The following OSBPL9 variants were observed in gnomAD, a reference collection of about 807,000 sequenced individuals.
The protein encoded by OSBPL9 is oxysterol-binding protein-related protein 9.
OSBPL9 carries 40 observed loss-of-function variants against 106.6 expected under a neutral mutation model. The ratio of observed to expected loss-of-function variants is 0.38; its 90% CI spans 0.29 to 0.49. The LOEUF (loss-of-function observed/expected upper bound fraction) is 0.49, where lower values mean the gene tolerates loss of function less well. Ranked by LOEUF, OSBPL9 falls within the 20% of genes least tolerant of loss-of-function variation. The pLI is 0.97. For synonymous variants in OSBPL9, 269 were observed against 295.4 expected (o/e 0.91, Z 0.92); for missense variants, 609 against 887.2 (o/e 0.69, Z 3.98).
At chr1:51,586,714 AGAGG>A (rs1645249834) in intron 1 of OSBPL9, among the ~76,000 whole-genome samples, 1 of 152,218 alleles carries the variant, frequency 6.6e-6, no homozygotes, top group Non-Finnish European at 1.5e-5. Context: ...TGGAAGCAGC[AGAGG>A]CTAATGTTTT....
chr1:51,589,449 A>G (rs986564587), intron 1 of OSBPL9, among the ~76,000 whole-genome samples: 2 of 152,156 alleles, frequency 1.3e-5, no homozygotes, highest in Admixed American at 6.6e-5. Flanking sequence ...TTACATGTAC[A>G]TTATATCTTA....
intron 3 of OSBPL9, among the ~76,000 whole-genome samples, chr1:51,686,324 T>C (rs1464528164): frequency 6.6e-6 from 1 of 152,234 alleles, no homozygotes. Context: ...ATGTAGGAAG[T>C]GGCAGAGCCT....
At chr1:51,570,107 T>C in the OSBPL9 span, among the ~76,000 whole-genome samples, 1 of 152,152 alleles carries the variant, frequency 6.6e-6, no homozygotes, top group Non-Finnish European at 1.5e-5. Flanking sequence ...AAAGGCCTGT[T>C]TTTCCGAGGC....
chr1:51,748,410 GT>G lies in OSBPL9; in HGVS notation c.492+15del. The G allele has an allele frequency of 6.7e-7, 1 of 1,484,410 alleles. No individual in the cohort carries two copies. The highest frequency in any genetic ancestry group is 8.9e-7 in the Non-Finnish European group (1 of 1,122,484). 92.0% of individuals were successfully genotyped at this position (1,484,410 alleles called of 1,614,324 possible). A position where few individuals can be genotyped will look rare whatever the true frequency, so the allele number is the denominator to read the frequency against. ...AAGAGACAACAAATGTAAGTTATATGTTTGATACATTCTGACTTTGCATTAG... is the reference window on the plus strand; with the variant it reads ...AAGAGACAACAAATGTAAGTTATATGTTGATACATTCTGACTTTGCATTAG... On this transcript the variant is annotated intron_variant, in intron 7 of 23. Transcript: ENST00000428468.
At chr1:51,616,946 A>G, upstream of OSBPL9, 1 of 1,361,726 alleles carries the variant, frequency 7.3e-7, no homozygotes, top group Non-Finnish European at 9.8e-7. Context: ...TACACACAAT[A>G]GGCGCCCTAA....
chr1:51,709,142 G>A (rs747947266), intron 3 of OSBPL9: 4 of 154,584 alleles, frequency 2.6e-5, no homozygotes, highest in African/African-American at 4.8e-5. Flanking sequence ...AGAGGGCAGC[G>A]ACCCGAGTTG....
chr1:51,637,944 T>C (rs1257482452), intron 1 of OSBPL9, among the ~76,000 whole-genome samples: 1 of 152,228 alleles, frequency 6.6e-6, no homozygotes, highest in Non-Finnish European at 1.5e-5. Flanking sequence ...AAAAAACTTC[T>C]ATCCTTGCCT....
chr1:51,593,620 C>G (rs1645286928), intron 1 of OSBPL9, among the ~76,000 whole-genome samples: 1 of 152,194 alleles, frequency 6.6e-6, no homozygotes, highest in African/African-American at 2.4e-5. Context: ...TTAAGTTTCG[C>G]CTTCTCCCTG....
intron 4 of OSBPL9, among the ~76,000 whole-genome samples, chr1:51,737,302 T>G (rs1260545656): frequency 6.6e-6 from 1 of 152,086 alleles, no homozygotes; most frequent in Non-Finnish European, 1.5e-5. Context: ...TGACCTTGCA[T>G]GCTAAAATGG....
chr1:51,636,477 A>G (rs1421509041), intron 1 of OSBPL9, among the ~76,000 whole-genome samples: 1 of 151,886 alleles, frequency 6.6e-6, no homozygotes, highest in African/African-American at 2.4e-5. Flanking sequence ...AGCTGGGACT[A>G]CAGGTGCACA....
intron 3 of OSBPL9, among the ~76,000 whole-genome samples, chr1:51,701,938 G>T (rs1198931659): frequency 6.6e-6 from 1 of 152,040 alleles, no homozygotes; most frequent in Non-Finnish European, 1.5e-5. Flanking sequence ...GAGAATGATG[G>T]TTTCCAGCTT....
At chr1:51,569,231 T>C in the OSBPL9 span, among the ~76,000 whole-genome samples, 1 of 152,222 alleles carries the variant, frequency 6.6e-6, no homozygotes, top group Non-Finnish European at 1.5e-5. Flanking sequence ...CAATGCCTTA[T>C]TGTAGTGTAC....
chr1:51,760,516 A>G (rs1394065574), intron 9 of OSBPL9, 174 bp from the exon 10 acceptor site: 17 of 834,922 alleles, frequency 2.0e-5, no homozygotes, highest in Non-Finnish European at 2.9e-5. Flanking sequence ...ACTATGCTTT[A>G]AGCAACTCTT....
chr1:51,655,914 G>A (rs932628149), intron 2 of OSBPL9, among the ~76,000 whole-genome samples: 1 of 152,192 alleles, frequency 6.6e-6, no homozygotes, highest in Non-Finnish European at 1.5e-5. Context: ...GTGCACACAC[G>A]TGCATTTTAC....
At chr1:51,756,468 T>A in intron 9 of OSBPL9, 110 bp downstream of exon 9, 1 of 1,000,298 alleles carries the variant, frequency 1.0e-6, no homozygotes, top group South Asian at 1.4e-5. Flanking sequence ...AACTACTCAC[T>A]GCTTTTTGTT....
At chr1:51,621,990 T>G (rs571720642) in intron 1 of OSBPL9, among the ~76,000 whole-genome samples, 2 of 152,124 alleles carry the variant, frequency 1.3e-5, no homozygotes, top group Non-Finnish European at 2.9e-5. Flanking sequence ...GATGTTAAAA[T>G]TGATCAGTAG....
chr1:51,527,330 GTGATGA>G, the OSBPL9 span, among the ~76,000 whole-genome samples: 118 of 110,260 alleles, frequency 1.1e-3, no homozygotes, highest in African/African-American at 3.7e-3. Context: ...AATGATGATG[GTGATGA>G]TGATGATGAT....
intron 1 of OSBPL9, among the ~76,000 whole-genome samples, chr1:51,635,878 T>C (rs1295014228): frequency 1.3e-5 from 2 of 152,100 alleles, no homozygotes; most frequent in Non-Finnish European, 2.9e-5. Flanking sequence ...AAAAGATTTT[T>C]CCCCCTAAAT....
chr1:51,518,380 T>C, the OSBPL9 span: 102 of 152,482 alleles, frequency 6.7e-4, no homozygotes, highest in African/African-American at 2.3e-3. Context: ...CGGGAGGCCG[T>C]TCCTGGCACC....
Sources: allele counts gnomAD v4.1 joint callset (sites outside exome capture counted in the v4.1 genomes callset), GRCh38; gene constraint gnomAD v4.1.1; transcripts MANE v1.5; gene names NCBI Gene and HGNC (gene_info 2026-07-23, HGNC 2026-07-21).